Variants in SDK1 observed in about 807,000 individuals in gnomAD.
SDK1 encodes the protein protein sidekick-1.
SDK1 carries 157 observed loss-of-function variants against 245.5 expected under a neutral mutation model. That is an observed-to-expected ratio of 0.64 (90% CI 0.56 to 0.73). The LOEUF (loss-of-function observed/expected upper bound fraction) is 0.73. Among genes scored for constraint, SDK1 ranks in the 30% least tolerant of loss-of-function variants. The pLI is 0.00. For synonymous variants in SDK1, 1,647 were observed against 1,278.5 expected, an observed-to-expected ratio of 1.29 and a Z score of -6.15; for missense variants, 3,583 against 3,002.3, an observed-to-expected ratio of 1.19 and a Z score of -4.52.
At chr7:4,248,193 C>T (rs770854342) in intron 44 of SDK1, among the ~76,000 whole-genome samples, 19 of 152,182 alleles carry the variant, frequency 1.2e-4, no homozygotes, top group South Asian at 1.0e-3. Context: ...CACATGTGCA[C>T]GGACACATAC....
intron 2 of SDK1, among the ~76,000 whole-genome samples, chr7:3,628,568 C>T (rs1183367912): frequency 6.6e-6 from 1 of 152,150 alleles, no homozygotes; most frequent in Non-Finnish European, 1.5e-5. Flanking sequence ...ACAGATATCT[C>T]TGGCAACATT....
intron 1 of SDK1, among the ~76,000 whole-genome samples, chr7:3,572,175 C>G (rs1428867725): frequency 1.3e-5 from 2 of 152,034 alleles, no homozygotes; most frequent in East Asian, 3.8e-4. Flanking sequence ...GGTGATAGAA[C>G]TAATAAGTTA....
intron 4 of SDK1, among the ~76,000 whole-genome samples, chr7:3,775,103 T>G (rs1345422988): frequency 6.6e-6 from 1 of 152,222 alleles, no homozygotes; most frequent in East Asian, 1.9e-4. Context: ...AAATCACCTT[T>G]ACAAAGGCTC....
chr7:3,385,989 CAT>C (rs1012649353), intron 1 of SDK1, among the ~76,000 whole-genome samples: 5 of 151,622 alleles, frequency 3.3e-5, no homozygotes, highest in African/African-American at 1.2e-4. Context: ...TTTTTTTCCA[CAT>C]GAGGGAAGCT....
intron 5 of SDK1, among the ~76,000 whole-genome samples, chr7:3,841,573 C>CTT (rs553320567): frequency 0.065 from 9,497 of 146,442 alleles, 981 homozygotes; most frequent in African/African-American, 0.22. Flanking sequence ...TTCTCTTTTT[C>CTT]TTTTTTTTTT....
intron 1 of SDK1, among the ~76,000 whole-genome samples, chr7:3,343,002 G>GAAAA (rs59587479): frequency 2.2e-5 from 3 of 137,994 alleles, no homozygotes; most frequent in African/African-American, 8.2e-5. Flanking sequence ...CTAAATGGCT[G>GAAAA]AAAAAAAAAA....
intron 2 of SDK1, among the ~76,000 whole-genome samples, chr7:3,621,677 T>G (rs566507075): frequency 2.0e-5 from 3 of 152,158 alleles, no homozygotes; most frequent in African/African-American, 7.2e-5. Flanking sequence ...GTAATAGTGG[T>G]TTCTCCTCCA....
chr7:3,847,925 G>A (rs1035671951), intron 5 of SDK1, among the ~76,000 whole-genome samples: 6 of 152,144 alleles, frequency 3.9e-5, no homozygotes, highest in South Asian at 4.1e-4. Flanking sequence ...CCCAGAATTA[G>A]ACCCTAATAT....
chr7:4,206,422 A>T (rs1784229838), intron 36 of SDK1, among the ~76,000 whole-genome samples: 1 of 152,132 alleles, frequency 6.6e-6, no homozygotes, highest in African/African-American at 2.4e-5. Flanking sequence ...ACAGTTGGAC[A>T]CTGAGTGAGT....
chr7:4,058,091 TA>T (rs1779311159), intron 19 of SDK1, among the ~76,000 whole-genome samples: 1 of 149,378 alleles, frequency 6.7e-6, no homozygotes, highest in Non-Finnish European at 1.5e-5. Context: ...AGAAAAAAAA[TA>T]AAAAATAATG....
At chr7:3,922,040 C>T (rs1187116111) in intron 5 of SDK1, among the ~76,000 whole-genome samples, 1 of 152,218 alleles carries the variant, frequency 6.6e-6, no homozygotes, top group Admixed American at 6.5e-5. Flanking sequence ...GCCTCTCACC[C>T]ATGCTCCTCT....
chr7:3,623,822 A>G (rs1174495351), intron 2 of SDK1, among the ~76,000 whole-genome samples: 3 of 152,198 alleles, frequency 2.0e-5, no homozygotes, highest in African/African-American at 7.2e-5. Context: ...TGTATACTCT[A>G]AACTCCTAAA....
chr7:3,549,341 C>G (rs976208030), intron 1 of SDK1, among the ~76,000 whole-genome samples: 4 of 152,172 alleles, frequency 2.6e-5, no homozygotes, highest in Admixed American at 1.3e-4. Flanking sequence ...TTGTACCTTC[C>G]TCTGTAACCA....
At chr7:3,957,444 C>A (rs189435384) in intron 7 of SDK1, among the ~76,000 whole-genome samples, 8 of 152,202 alleles carry the variant, frequency 5.3e-5, no homozygotes, top group African/African-American at 1.9e-4. Flanking sequence ...TACAGTGTTA[C>A]TTCTCACAAC....
intron 4 of SDK1, among the ~76,000 whole-genome samples, chr7:3,693,047 C>T (rs1021325074): frequency 1.3e-5 from 2 of 151,904 alleles, no homozygotes; most frequent in African/African-American, 2.4e-5. Flanking sequence ...ATATTTTAGA[C>T]ATATAATAAA....
At chr7:3,515,261 A>G (rs1380007097) in intron 1 of SDK1, among the ~76,000 whole-genome samples, 1 of 152,150 alleles carries the variant, frequency 6.6e-6, no homozygotes, top group Non-Finnish European at 1.5e-5. Flanking sequence ...CTAGGAGGAA[A>G]GAGTTCTGTA....
intron 22 of SDK1, among the ~76,000 whole-genome samples, chr7:4,108,354 G>C (rs1285611010): frequency 6.6e-6 from 1 of 152,056 alleles, no homozygotes; most frequent in African/African-American, 2.4e-5. Flanking sequence ...CATAACTCTT[G>C]TTTTCTGTGT....
At chr7:3,664,689 G>A (rs1208008949) in intron 4 of SDK1, among the ~76,000 whole-genome samples, 3 of 150,608 alleles carry the variant, frequency 2.0e-5, no homozygotes, top group Admixed American at 6.6e-5. Context: ...GCAGTGAGCC[G>A]AGATTGTGCC....
At chr7:3,528,990 T>G (rs1300003245) in intron 1 of SDK1, among the ~76,000 whole-genome samples, 1 of 151,514 alleles carries the variant, frequency 6.6e-6, no homozygotes, top group African/African-American at 2.4e-5. Context: ...GCCAGGGAGG[T>G]AGCTAGCATG....
Sources: gnomAD v4.1 joint callset for allele counts (sites outside exome capture counted in the v4.1 genomes callset) on GRCh38, gnomAD v4.1.1 for gene constraint, MANE v1.5 for transcripts, NCBI Gene and HGNC (gene_info 2026-07-23, HGNC 2026-07-21) for gene names.